KIAA0319L: variants seen among roughly 807,000 people sequenced by gnomAD.
KIAA0319L encodes the protein dyslexia-associated protein KIAA0319-like protein.
Under a neutral mutation model 120.1 loss-of-function variants are expected in KIAA0319L, and 55 were observed. The observed-to-expected ratio is 0.46, with a 90% CI of 0.37 to 0.57. The LOEUF is 0.57. Ranked by LOEUF, KIAA0319L falls within the 20% of genes least tolerant of loss-of-function variation. The probability of loss-of-function intolerance (pLI) is 0.00; values close to 1 mark genes in which losing one functional copy is unlikely to be tolerated. For missense variants in KIAA0319L, 1,049 were observed against 1,255.3 expected, an observed-to-expected ratio of 0.84 and a Z score of 2.48; for synonymous variants, 398 against 471.9, an observed-to-expected ratio of 0.84 and a Z score of 2.03.
intron 2 of KIAA0319L, among the ~76,000 whole-genome samples, chr1:35,534,994 G>T (rs1306370053): frequency 6.6e-6 from 1 of 150,754 alleles, no homozygotes; most frequent in Non-Finnish European, 1.5e-5. Flanking sequence ...CTACTTAGGA[G>T]GCTGAGACAG....
chr1:35,529,957 T>G (rs1165916890), intron 2 of KIAA0319L, among the ~76,000 whole-genome samples: 2 of 152,126 alleles, frequency 1.3e-5, no homozygotes, highest in Non-Finnish European at 2.9e-5. Flanking sequence ...TTTGGTCACT[T>G]TATGGTATCC....
chr1:35,488,628 G>T (rs1415228893), intron 3 of KIAA0319L, among the ~76,000 whole-genome samples: 1 of 152,086 alleles, frequency 6.6e-6, no homozygotes, highest in Non-Finnish European at 1.5e-5. Context: ...TCAAAGAATA[G>T]AACATTTAGG....
chr1:35,468,976 T>A (rs953039020), intron 6 of KIAA0319L, among the ~76,000 whole-genome samples: 2 of 152,196 alleles, frequency 1.3e-5, no homozygotes, highest in African/African-American at 4.8e-5. Flanking sequence ...AAGAAATAAG[T>A]GTACAAAATA....
chr1:35,461,112 G>T (rs1313791230), intron 8 of KIAA0319L, among the ~76,000 whole-genome samples: 1 of 152,134 alleles, frequency 6.6e-6, no homozygotes, highest in Non-Finnish European at 1.5e-5. Flanking sequence ...ACATCTATAT[G>T]ATGGAATGCT....
At chr1:35,556,933 AC>A (rs1648175623) in intron 1 of KIAA0319L, 1 of 152,304 alleles carries the variant, frequency 6.6e-6, no homozygotes, top group South Asian at 2.0e-4. Context: ...TGGAAGAAGG[AC>A]GGCAGCGCCC....
At chr1:35,482,005 T>C (rs2149148608) in intron 3 of KIAA0319L, among the ~76,000 whole-genome samples, 1 of 152,008 alleles carries the variant, frequency 6.6e-6, no homozygotes, top group African/African-American at 2.4e-5. Flanking sequence ...TTTGTATTTT[T>C]AGTAGTGATG....
At chr1:35,555,261 T>C (rs1169260014) in intron 1 of KIAA0319L, among the ~76,000 whole-genome samples, 1 of 152,182 alleles carries the variant, frequency 6.6e-6, no homozygotes, top group East Asian at 1.9e-4. Flanking sequence ...GGCAACATTA[T>C]GAGGGTTGAC....
chr1:35,552,984 G>A (rs528524945), intron 2 of KIAA0319L, among the ~76,000 whole-genome samples: 1 of 152,254 alleles, frequency 6.6e-6, no homozygotes, highest in East Asian at 1.9e-4. Flanking sequence ...CTACTCAGGA[G>A]GCTGCGGCAG....
intron 1 of KIAA0319L, 97 bp from the exon 2 acceptor site, chr1:35,554,616 G>T: frequency 1.1e-6 from 1 of 890,334 alleles, no homozygotes; most frequent in Non-Finnish European, 1.6e-6. Context: ...TTAGGGGAAA[G>T]AAAAATTTCA....
intron 2 of KIAA0319L, chr1:35,509,815 T>A (rs919421860): frequency 9.2e-5 from 14 of 152,710 alleles, no homozygotes; most frequent in African/African-American, 3.4e-4. Flanking sequence ...TGTACAGCCA[T>A]GTGATGCTGG....
chr1:35,508,070 T>C (rs529372429), intron 2 of KIAA0319L, among the ~76,000 whole-genome samples: 204 of 152,332 alleles, frequency 1.3e-3, no homozygotes, highest in African/African-American at 4.7e-3. Context: ...TATAGGTGTC[T>C]ATTACCAGCT....
intron 3 of KIAA0319L, among the ~76,000 whole-genome samples, chr1:35,505,229 A>G (rs1388925872): frequency 6.6e-6 from 1 of 152,284 alleles, no homozygotes. Flanking sequence ...AATGATATTC[A>G]TCTTATTTAT....
Position 35,460,338 on chromosome 1 carries a change from A to C in KIAA0319L, c.1394T>G (p.Leu465Arg). The C allele has an allele frequency of 6.2e-7, 1 of 1,613,362 alleles. No homozygotes were observed. Among genetic ancestry groups the C allele is most frequent in the Non-Finnish European group, 8.5e-7 (1 of 1,179,520 alleles). The change falls in exon 9 of 21, where the codon CTA (leucine) becomes CGA (arginine). Residue 465 changes from leucine to arginine, a missense_variant. Leu to Arg is a moderately radical substitution (Grantham distance 102, BLOSUM62 -2). Coordinates refer to ENST00000325722, the MANE Select transcript of KIAA0319L (RefSeq NM_024874.5). ...GTAGTTCCCAGGGACGAGTTTACTT[A>C]GTTTTAATATGGCTGTATCTTCAGA... Reference protein sequence around the residue: ...KISEDTAILKLSKLVPGNYTF... With the variant: ...KISEDTAILKRSKLVPGNYTF...
At chr1:35,553,787 G>A (rs7548490) in intron 2 of KIAA0319L, among the ~76,000 whole-genome samples, 7,114 of 152,306 alleles carry the variant, frequency 0.047, 230 homozygotes, top group Middle Eastern at 0.071. Context: ...CTGATTCCTG[G>A]CAAGAGGCTT....
At chr1:35,508,951 C>G (rs1394521500) in intron 2 of KIAA0319L, among the ~76,000 whole-genome samples, 1 of 152,060 alleles carries the variant, frequency 6.6e-6, no homozygotes, top group Non-Finnish European at 1.5e-5. Flanking sequence ...ATGGGGCTTG[C>G]CTTCCCACCA....
Position 35,466,640 on chromosome 1 carries a change from C to G in KIAA0319L, c.1169G>C (p.Gly390Ala). 1 of 1,613,722 alleles carries G rather than the reference C, an allele frequency of 6.2e-7. No individual in the cohort carries two copies. The highest frequency in any genetic ancestry group is 2.2e-5 in the East Asian group (1 of 44,878). The change falls in exon 7 of 21, where the codon GGG becomes GCG. Residue 390 changes from glycine (G) to alanine (A), a missense_variant. Transcript: ENST00000325722. The stretch of plus-strand genomic sequence containing the variant: ...GACTGTCACGTTCACATAGCCTTCC[C>G]CATGGGCATTTTGACCCTCTACAAT... ...KVIVEGQNAH[G>A]EGYVNVTVKP...
chr1:35,532,373 C>T (rs528792759), intron 2 of KIAA0319L, among the ~76,000 whole-genome samples: 40 of 152,016 alleles, frequency 2.6e-4, no homozygotes, highest in Non-Finnish European at 3.5e-4. Flanking sequence ...AATAAAAATA[C>T]GAAAAGAAAA....
At chr1:35,516,044 CTGAATCAGTAA>C (rs1645665645) in intron 2 of KIAA0319L, among the ~76,000 whole-genome samples, 1 of 152,004 alleles carries the variant, frequency 6.6e-6, no homozygotes. Context: ...AGCTCTAAAA[CTGAATCAGTAA>C]TAAATAGCCT....
chr1:35,459,170 G>C (rs1211954399), intron 9 of KIAA0319L, among the ~76,000 whole-genome samples: 1 of 152,140 alleles, frequency 6.6e-6, no homozygotes, highest in Non-Finnish European at 1.5e-5. Flanking sequence ...AGGGATCTCA[G>C]AGAACCTCAT....
Sources: allele counts gnomAD v4.1 joint callset (sites outside exome capture counted in the v4.1 genomes callset), GRCh38; gene constraint gnomAD v4.1.1; transcripts MANE v1.5; gene names NCBI Gene and HGNC (gene_info 2026-07-23, HGNC 2026-07-21).